DHRSX: variants seen among roughly 807,000 people sequenced by gnomAD.
DHRSX encodes polyprenol dehydrogenase.
In DHRSX, 31 loss-of-function variants were observed where a neutral mutation model predicts 34.0. The ratio of observed to expected loss-of-function variants is 0.91; its 90% confidence interval spans 0.69 to 1.23. The LOEUF is 1.23. Ranked by LOEUF, DHRSX falls within the 50% of genes most tolerant of loss-of-function variation. DHRSX has a pLI of 0.00. For synonymous variants in DHRSX, 201 were observed against 183.8 expected (o/e 1.09, Z -0.76); for missense variants, 414 against 428.1 (o/e 0.97, Z 0.29).
chrX:2,335,613 G>C (rs2042549431), intron 3 of DHRSX, among the ~76,000 whole-genome samples: 1 of 151,902 alleles, frequency 6.6e-6, no homozygotes, highest in South Asian at 2.1e-4. Flanking sequence ...ACCATGCCCA[G>C]CTAGTTTTTA....
intron 1 of DHRSX, among the ~76,000 whole-genome samples, chrX:2,464,432 A>C (rs895895255): frequency 1.1e-4 from 9 of 82,442 alleles, no homozygotes; most frequent in African/African-American, 1.8e-4. Flanking sequence ...ATGTTCCCTA[A>C]GAATGTGGGT....
intron 3 of DHRSX, among the ~76,000 whole-genome samples, chrX:2,321,640 C>A (rs771015974): frequency 2.0e-4 from 30 of 152,202 alleles, no homozygotes; most frequent in South Asian, 1.2e-3. Flanking sequence ...CTCTCAAGTA[C>A]CCAACCATGG....
At chrX:2,360,346 A>G (rs762308188) in intron 3 of DHRSX, among the ~76,000 whole-genome samples, 2 of 152,312 alleles carry the variant, frequency 1.3e-5, no homozygotes, top group South Asian at 4.1e-4. Flanking sequence ...GCACTTTGGG[A>G]GGCCAAGGTG....
chrX:2,230,221 G>A (rs1055622596), intron 6 of DHRSX, among the ~76,000 whole-genome samples: 5 of 152,140 alleles, frequency 3.3e-5, no homozygotes, highest in African/African-American at 1.2e-4. Context: ...ATGTGTGCAT[G>A]TATGTGTGCA....
At chrX:2,225,198 T>A (rs1244065040) in intron 6 of DHRSX, among the ~76,000 whole-genome samples, 13 of 143,274 alleles carry the variant, frequency 9.1e-5, no homozygotes, top group Non-Finnish European at 1.8e-4. Context: ...CATGCACACA[T>A]TTGCATGCAC....
At chrX:2,266,719 T>G in intron 5 of DHRSX, 21 bp downstream of exon 5, 1 of 1,611,762 alleles carries the variant, frequency 6.2e-7, no homozygotes, top group East Asian at 2.2e-5. Context: ...GCTGTTATGA[T>G]TATTCACAGG....
intron 6 of DHRSX, among the ~76,000 whole-genome samples, chrX:2,231,595 T>TC (rs2015882260): frequency 1.7e-5 from 1 of 60,132 alleles, no homozygotes; most frequent in South Asian, 7.3e-4. Context: ...ATCCTCCTTT[T>TC]TCTTTTTTCC....
At chrX:2,396,943 A>C (rs2043419913) in intron 3 of DHRSX, among the ~76,000 whole-genome samples, 1 of 152,018 alleles carries the variant, frequency 6.6e-6, no homozygotes, top group African/African-American at 2.4e-5. Context: ...ATACAGAGGC[A>C]TTTGAAGGAA....
At chrX:2,294,801 G>C (rs2041911998) in intron 3 of DHRSX, among the ~76,000 whole-genome samples, 1 of 124,064 alleles carries the variant, frequency 8.1e-6, no homozygotes, top group Non-Finnish European at 1.9e-5. Context: ...GAGGGAGAGA[G>C]AGAGAGGAAA....
At chrX:2,319,796 C>G (rs1256963216) in intron 3 of DHRSX, among the ~76,000 whole-genome samples, 5 of 151,900 alleles carry the variant, frequency 3.3e-5, no homozygotes, top group African/African-American at 1.2e-4. Flanking sequence ...GAGGTCAGTA[C>G]CCCTAACCCC....
intron 3 of DHRSX, among the ~76,000 whole-genome samples, chrX:2,297,002 G>A (rs1410914729): frequency 6.8e-6 from 1 of 147,576 alleles, no homozygotes; most frequent in Non-Finnish European, 1.5e-5. Context: ...AGGCAGATAG[G>A]AATAGGACCC....
chrX:2,475,258 C>G (rs1359201179), intron 1 of DHRSX, among the ~76,000 whole-genome samples: 1 of 141,874 alleles, frequency 7.0e-6, no homozygotes, highest in Non-Finnish European at 1.5e-5. Flanking sequence ...CCAAGGGACC[C>G]CACTGTATAC....
chrX:2,390,144 C>CGTTTT lies in DHRSX; in HGVS notation c.286+18600_286+18601insAAAAC, dbSNP rs1166056838. Among the ~76,000 whole-genome samples, 42 of 128,176 alleles carry CGTTTT rather than the reference C, an allele frequency of 3.3e-4. 1 individual carries two copies. In the South Asian group the frequency reaches 9.4e-3, roughly 29 times the overall value. The allele number at this position is 128,176 out of a possible 152,430, so 84.1% of individuals were successfully genotyped here. A position where few individuals can be genotyped will look rare whatever the true frequency, so the allele number is the denominator to read the frequency against. On this transcript the variant is annotated intron_variant, in intron 3 of 6. Transcript: ENST00000334651. ...ATAACATAAAGTTTAGCATTTTAAC[C>CGTTTT]TTTTTTTTTTTTTTTTTTAATGGAG... is the stretch of plus-strand genomic sequence containing the variant.
Position 2,500,857 on chromosome X carries a change from C to G in DHRSX, c.69G>C (p.Ala23=). The part of the protein sequence containing the change: ...VYAVGAAVIL[A]QLLRRCRGGF... The stretch of plus-strand genomic sequence containing the variant: ...CCCCGCGGCAGCGCCGCAGCAGCTG[C>G]GCCAGGATCACCGCGGCGCCTACCG... The change falls in exon 1 of 7, where the codon GCG becomes GCC. Residue 23 remains alanine (A), a synonymous_variant. Transcript: ENST00000334651. 1 of 1,161,436 alleles carries G rather than the reference C, an allele frequency of 8.6e-7. No individual in the cohort carries two copies. Among genetic ancestry groups the G allele is most frequent in the Non-Finnish European group, 1.1e-6 (1 of 936,638 alleles). The allele number at this position is 1,161,436 out of a possible 1,614,324, so 71.9% of individuals were successfully genotyped here.
chrX:2,345,816 C>T (rs953953919), intron 3 of DHRSX, among the ~76,000 whole-genome samples: 14 of 152,294 alleles, frequency 9.2e-5, no homozygotes, highest in South Asian at 2.1e-4. Flanking sequence ...GGACTTTGGA[C>T]TCCAACTACA....
At chrX:2,314,457 GGAAGGAAGGGGAGAAGGAA>G in intron 3 of DHRSX, among the ~76,000 whole-genome samples, 13 of 75,830 alleles carry the variant, frequency 1.7e-4, no homozygotes, top group Admixed American at 2.6e-4. Flanking sequence ...GGAGAAGGGA[GGAAGGAAGGGGAGAAGGAA>G]GGAAGGAAGG....
intron 3 of DHRSX, among the ~76,000 whole-genome samples, chrX:2,322,943 A>T (rs1046031830): frequency 3.7e-4 from 57 of 152,012 alleles, no homozygotes; most frequent in Non-Finnish European, 8.1e-4. Flanking sequence ...GTTGTTTTTG[A>T]GATGGAATCT....
intron 3 of DHRSX, among the ~76,000 whole-genome samples, chrX:2,297,440 T>C (rs1446108933): frequency 1.3e-5 from 2 of 152,054 alleles, no homozygotes; most frequent in Non-Finnish European, 2.9e-5. Context: ...CCTAAGGTAG[T>C]AAGAATGTGG....
At chrX:2,452,092 T>C (rs1366940848) in intron 1 of DHRSX, among the ~76,000 whole-genome samples, 1 of 151,582 alleles carries the variant, frequency 6.6e-6, no homozygotes, top group Non-Finnish European at 1.5e-5. Flanking sequence ...CGCCGCCATG[T>C]ACTCACTGAA....
Sources: allele counts gnomAD v4.1 joint callset (sites outside exome capture counted in the v4.1 genomes callset), GRCh38; gene constraint gnomAD v4.1.1; transcripts MANE v1.5; gene names NCBI Gene and HGNC (gene_info 2026-07-23, HGNC 2026-07-21).